The following ADAMTS10 variants were observed in gnomAD, a reference collection of about 807,000 sequenced individuals.
ADAMTS10 encodes the protein ADAM metallopeptidase with thrombospondin type 1 motif 10, also known as A disintegrin and metalloproteinase with thrombospondin motifs 10.
Under a neutral mutation model 135.9 loss-of-function variants are expected in ADAMTS10, and 48 were observed. The ratio of observed to expected loss-of-function variants is 0.35; its 90% CI spans 0.28 to 0.45. The LOEUF (loss-of-function observed/expected upper bound fraction) is 0.45. Ranked by LOEUF, ADAMTS10 falls within the 20% of genes least tolerant of loss-of-function variation. ADAMTS10 has a pLI of 1.00. For missense variants in ADAMTS10, 1,131 were observed against 1,565.2 expected (o/e 0.72, Z 4.68); for synonymous variants, 621 against 647.5 (o/e 0.96, Z 0.62).
Position 8,605,663 on chromosome 19 carries a change from C to A in ADAMTS10, c.48G>T (p.Leu16=), listed in dbSNP as rs1012409656. The change falls in exon 3 of 26, where the codon CTG becomes CTT. Residue 16 remains leucine, a synonymous_variant. Coordinates refer to ENST00000597188, the MANE Select transcript of ADAMTS10 (RefSeq NM_030957.4). This position sits in a 1 kb window ranked among gnomAD's most constrained non-coding sequence, Gnocchi z 7.7. The stretch of plus-strand genomic sequence containing the variant: ...CGTGCGTGACCTCGAACATGAGGCC[C>A]AGCCCCAGGGCGAGGGCCCAGCGGA... ...QILRWALALG[L]GLMFEVTHAF... is the part of the protein sequence containing the mutation. The A allele has an allele frequency of 6.2e-7, 1 of 1,613,616 alleles. No individual in the cohort carries two copies. The highest frequency in any genetic ancestry group is 8.5e-7 in the Non-Finnish European group (1 of 1,179,950).
chr19:8,598,605 C>T (rs1172223694), intron 6 of ADAMTS10, among the ~76,000 whole-genome samples: 2 of 123,818 alleles, frequency 1.6e-5, no homozygotes, highest in Non-Finnish European at 3.2e-5. Context: ...GAGATGGAGT[C>T]TCACTCTGTT....
chr19:8,589,499 G>C lies in ADAMTS10; in HGVS notation c.1987C>G (p.Pro663Ala). The change falls in exon 17 of 26, where the codon CCC (proline) becomes GCC (alanine). Residue 663 changes from proline (P) to alanine (A), a missense_variant. Transcript: ENST00000597188. Reference protein sequence around the residue: ...ERAAAVVDGTPCRPDTVDICV... With the variant: ...ERAAAVVDGTACRPDTVDICV... ...ATGTCCACCGTGTCTGGACGGCAGG[G>C]TGTCCCGTCCACCACGGCTGCCGCC... 1 of 1,613,776 alleles carries C rather than the reference G, an allele frequency of 6.2e-7. No individual in the cohort carries two copies. Among genetic ancestry groups the C allele is most frequent in the African/African-American group, 1.3e-5 (1 of 75,030 alleles).
chr19:8,589,727 C>A lies in ADAMTS10; in HGVS notation c.1901-142G>T, dbSNP rs924640777. On this transcript the variant is annotated intron_variant, in intron 16 of 25. Coordinates refer to ENST00000597188, the MANE Select transcript of ADAMTS10 (RefSeq NM_030957.4). ...GGGCAGAGGGAGTGGGGGCTCCCAG[C>A]GTCACGTTGAACCCCCATGGTACCG... 4.1e-6 allele frequency: 6 copies of A among 1,446,812 alleles called. No homozygotes were observed. The African/African-American group carries it at 7.0e-5, about 17-fold the overall frequency. 89.6% of individuals were successfully genotyped at this position (1,446,812 alleles called of 1,614,324 possible).
At position 8,591,996 on chromosome 19, in the gene ADAMTS10, G is replaced by A; in HGVS notation, c.1695C>T (p.Gly565=). ...PWGDCSRTCG[G]GVSSSSRHCD... ...AGTGACGGCTAGAAGAGGACACGCC[G>A]CCGCCACAGGTCCGGCTGCAGTCGC... is the stretch of plus-strand genomic sequence containing the variant. The change falls in exon 14 of 26, where the codon GGC becomes GGT. Residue 565 remains glycine, a synonymous_variant. Coordinates refer to ENST00000597188, the MANE Select transcript of ADAMTS10 (RefSeq NM_030957.4). 3 of 1,613,382 alleles carry A rather than the reference G, an allele frequency of 1.9e-6. No individual in the cohort carries two copies. The highest frequency in any genetic ancestry group is 2.5e-6 in the Non-Finnish European group (3 of 1,179,788).
chr19:8,607,866 A>C (rs2042737982), intron 2 of ADAMTS10, among the ~76,000 whole-genome samples: 1 of 143,294 alleles, frequency 7.0e-6, no homozygotes, highest in Non-Finnish European at 1.5e-5. Context: ...GGTGGAGTGC[A>C]GTGGTGTGAT....
Position 8,596,106 on chromosome 19 carries a change from G to A in ADAMTS10, c.1304C>T (p.Ser435Phe), listed in dbSNP as rs782693285. The A allele has an allele frequency of 3.1e-6, 5 of 1,614,208 alleles. No homozygotes were observed. Among genetic ancestry groups the A allele is most frequent in the Non-Finnish European group, 4.2e-6 (5 of 1,180,044 alleles). The change falls in exon 11 of 26, where the codon TCC becomes TTC. Residue 435 changes from serine to phenylalanine, a missense_variant. Around this residue, in one of 3 missense-constraint regions of ADAMTS10, gnomAD observed 745 missense variants for 1,056.3 expected, o/e 0.71. Coordinates refer to ENST00000597188, the MANE Select transcript of ADAMTS10 (RefSeq NM_030957.4). This position sits in a 1 kb window ranked among gnomAD's most constrained non-coding sequence, Gnocchi z 7.2. ...GCTGGTGATGTAGTCACGGCTGCAG[G>A]ATGACCACACGAATGGGTTGGTCTT... ...TMKTNPFVWSSCSRDYITSFL... is the reference protein window; with the variant it reads ...TMKTNPFVWSFCSRDYITSFL...
In ADAMTS10 at chr19:8,586,722, C is replaced by A; in HGVS notation, c.2240-1G>T. 1 of 1,614,138 alleles carries A rather than the reference C, an allele frequency of 6.2e-7. No homozygotes were observed. Among genetic ancestry groups the A allele is most frequent in the Non-Finnish European group, 8.5e-7 (1 of 1,180,028 alleles). ...AGGGACTCCTGGTCTCCCTTCAGGG[C>A]TGGGGGACGATGCAGGGTTCAGAAT... On this transcript the variant is annotated splice_acceptor_variant, in intron 19 of 25. Transcript: ENST00000597188. LOFTEE classifies it high-confidence loss of function.
rs782806228 is a variant in ADAMTS10, at chr19:8,605,323, C to T, written c.124G>A (p.Ala42Thr). The change falls in exon 4 of 26, where the codon GCC (alanine) becomes ACC (threonine). Residue 42 changes from alanine (A) to threonine (T), a missense_variant. This residue lies in a region of ADAMTS10 where 306 missense variants were observed against 344.4 expected (regional missense o/e 0.89). Coordinates refer to ENST00000597188, the MANE Select transcript of ADAMTS10 (RefSeq NM_030957.4). The surrounding 1 kb of genome is among the most constrained non-coding windows in gnomAD (Gnocchi z 7.7). ...TTGTGGTCCACGCGGGTGGGGAAGG[C>T]GATCTCATAGCTCTCCAGACTGGAC... ...FLSSLESYEI[A>T]FPTRVDHNGA... 1.1e-5 allele frequency: 18 copies of T among 1,608,584 alleles called. No individual in the cohort carries two copies. The highest frequency in any genetic ancestry group is 2.2e-5 in the East Asian group (1 of 44,662).
chr19:8,601,040 C>T lies in ADAMTS10; in HGVS notation c.698G>A (p.Arg233Gln), dbSNP rs1555741462. The T allele has an allele frequency of 2.5e-6, 4 of 1,614,162 alleles. No homozygotes were observed. Among genetic ancestry groups the T allele is most frequent in the South Asian group, 1.1e-5 (1 of 91,090 alleles). The change falls in exon 6 of 26, where the codon CGA becomes CAA. Residue 233 changes from arginine (R) to glutamine (Q), a missense_variant. Coordinates refer to ENST00000597188, the MANE Select transcript of ADAMTS10 (RefSeq NM_030957.4). This position sits in a 1 kb window ranked among gnomAD's most constrained non-coding sequence, Gnocchi z 4.6. Reference protein sequence around the residue: ...ETERGQPGLKRSVSRERYVET... With the variant: ...ETERGQPGLKQSVSRERYVET... Reference sequence around the variant, plus strand: ...CACGTAGCGCTCTCGGCTGACCGATCGCTTCAGGCCTGGCTGGCCACGCTC... The same window carrying T: ...CACGTAGCGCTCTCGGCTGACCGATTGCTTCAGGCCTGGCTGGCCACGCTC...
chr19:8,596,556 G>C lies in ADAMTS10; in HGVS notation c.1070C>G (p.Pro357Arg). The C allele has an allele frequency of 6.2e-7, 1 of 1,613,762 alleles. No homozygotes were observed. The highest frequency in any genetic ancestry group is 8.5e-7 in the Non-Finnish European group (1 of 1,180,002). The change falls in exon 9 of 26, where the codon CCC becomes CGC. Residue 357 changes from proline to arginine, a missense_variant. By Grantham distance (103) the Pro-to-Arg change is moderately radical. Around this residue, in one of 3 missense-constraint regions of ADAMTS10, gnomAD observed 80 missense variants for 164.4 expected, o/e 0.49. Coordinates refer to ENST00000597188, the MANE Select transcript of ADAMTS10 (RefSeq NM_030957.4). The surrounding 1 kb of genome is among the most constrained non-coding windows in gnomAD (Gnocchi z 7.2). ...RYDICIYKNK[P>R]CGTLGLAPVG... Reference sequence around the variant, plus strand: ...GGCTCGGGTACCTAGTGTGCCGCAGGGTTTGTTCTTGTAGATGCAGATGTC... The same window carrying C: ...GGCTCGGGTACCTAGTGTGCCGCAGCGTTTGTTCTTGTAGATGCAGATGTC...
At chr19:8,592,137 G>T in intron 13 of ADAMTS10, 34 bp from the exon 14 acceptor site, 3 of 1,613,246 alleles carry the variant, frequency 1.9e-6, no homozygotes, top group Non-Finnish European at 2.5e-6. Context: ...AGTGAGTCCA[G>T]CCCGGAGGAC....
chr19:8,584,567 G>C (rs191864549), intron 25 of ADAMTS10, among the ~76,000 whole-genome samples: 2 of 152,302 alleles, frequency 1.3e-5, no homozygotes, highest in East Asian at 3.9e-4. Context: ...AATGTCACTA[G>C]TGCCTGAGGT....
rs539807276 is a variant in ADAMTS10 at position 8,596,249 on chromosome 19, C to G, written c.1191-30G>C. ...GGAAAGGGGTGTCGGCTCTGCCGGG[C>G]GCTGAGGGACCCGCCCAGCTCCTCC... is the stretch of plus-strand genomic sequence containing the variant. On this transcript the variant is annotated intron_variant, in intron 10 of 25. Transcript: ENST00000597188. The surrounding 1 kb of genome is among the most constrained non-coding windows in gnomAD (Gnocchi z 7.2). The G allele has an allele frequency of 1.5e-5, 24 of 1,613,002 alleles. No homozygotes were observed. The highest frequency in any genetic ancestry group is 2.0e-5 in the Non-Finnish European group (24 of 1,180,018).
chr19:8,600,753 CT>C (rs1187947513), intron 6 of ADAMTS10, among the ~76,000 whole-genome samples, 174 bp downstream of exon 6: 7 of 152,104 alleles, frequency 4.6e-5, no homozygotes, highest in Non-Finnish European at 1.5e-5. Context: ...CCGCCTTGGC[CT>C]CCCGAAGTGC....
chr19:8,607,413 C>G (rs926077525), intron 2 of ADAMTS10, among the ~76,000 whole-genome samples: 1 of 152,238 alleles, frequency 6.6e-6, no homozygotes, highest in African/African-American at 2.4e-5. Flanking sequence ...CAAGCCAGCC[C>G]GCCCCGCAGG....
intron 22 of ADAMTS10, among the ~76,000 whole-genome samples, 183 bp downstream of exon 22, chr19:8,585,939 C>T (rs182014192): frequency 6.6e-6 from 1 of 152,216 alleles, no homozygotes; most frequent in East Asian, 1.9e-4. Flanking sequence ...TTGACCGCCA[C>T]CTTGGGGGCA....
chr19:8,589,392 G>C, intron 17 of ADAMTS10, 27 bp from the exon 18 acceptor site: 1 of 1,611,018 alleles, frequency 6.2e-7, no homozygotes, highest in Non-Finnish European at 8.5e-7. Flanking sequence ...TGAGTGAGGC[G>C]ACCCCCTAAC....
chr19:8,597,974 C>T (rs1399084749), intron 6 of ADAMTS10, among the ~76,000 whole-genome samples: 4 of 151,514 alleles, frequency 2.6e-5, no homozygotes, highest in South Asian at 2.1e-4. Flanking sequence ...CAGCCATGCC[C>T]GCCTAATTTT....
intron 12 of ADAMTS10, among the ~76,000 whole-genome samples, chr19:8,594,837 C>CT (rs1490526153): frequency 1.3e-5 from 2 of 152,156 alleles, no homozygotes; most frequent in African/African-American, 4.8e-5. Flanking sequence ...CTTCAGAATT[C>CT]TTTAGGAATT....
Sources: allele counts gnomAD v4.1 joint callset (sites outside exome capture counted in the v4.1 genomes callset), GRCh38; gene constraint gnomAD v4.1.1; regional missense constraint gnomAD v4.1.1; non-coding constraint Gnocchi (gnomAD v3.1); transcripts MANE v1.5; gene names NCBI Gene and HGNC (gene_info 2026-07-23, HGNC 2026-07-21).